DDX60L: variants seen among roughly 807,000 people sequenced by gnomAD.
DDX60L encodes probable ATP-dependent RNA helicase DDX60-like.
A neutral mutation model predicts 211.6 loss-of-function variants in DDX60L; 191 were observed. The observed-to-expected ratio is 0.90, with a 90% CI of 0.80 to 1.02. The LOEUF (loss-of-function observed/expected upper bound fraction) is 1.02. Among genes scored for constraint, DDX60L ranks in the 50% least tolerant of loss-of-function variants. DDX60L has a pLI of 0.00. For synonymous variants in DDX60L, 706 were observed against 694.1 expected (o/e 1.02, Z -0.27); for missense variants, 2,007 against 1,984.1 (o/e 1.01, Z -0.22).
At chr4:168,414,530 C>G (rs536592027) in intron 22 of DDX60L, among the ~76,000 whole-genome samples, 39 of 152,188 alleles carry the variant, frequency 2.6e-4, no homozygotes, top group African/African-American at 9.4e-4. Context: ...AAAAGGAAAT[C>G]AGTATATCAA....
chr4:168,384,344 G>A (rs1743481231), intron 30 of DDX60L, among the ~76,000 whole-genome samples: 1 of 152,000 alleles, frequency 6.6e-6, no homozygotes, highest in African/African-American at 2.4e-5. Context: ...AAAATTAGCT[G>A]GGCATGGTGG....
At chr4:168,476,770 G>A (rs1277625552) in intron 1 of DDX60L, among the ~76,000 whole-genome samples, 2 of 152,162 alleles carry the variant, frequency 1.3e-5, no homozygotes, top group African/African-American at 2.4e-5. Context: ...TCTGGCCAAT[G>A]ACTACATTTT....
intron 9 of DDX60L, among the ~76,000 whole-genome samples, chr4:168,446,011 T>A (rs1288789229): frequency 6.8e-6 from 1 of 147,136 alleles, no homozygotes; most frequent in Non-Finnish European, 1.5e-5. Context: ...TTCAACATAG[T>A]GTTGGAAGTT....
Position 168,432,586 on chromosome 4 carries a change from C to T in DDX60L, c.1401-16G>A. ...CGGATCATCACTGTAAAAATAAATACATAATTTTTTTAAATTTTAAGCTTT... is the reference window on the plus strand; with the variant it reads ...CGGATCATCACTGTAAAAATAAATATATAATTTTTTTAAATTTTAAGCTTT... On this transcript the variant is annotated splice_polypyrimidine_tract_variant and intron_variant, in intron 11 of 37. Transcript: ENST00000682922. The T allele has an allele frequency of 3.5e-6, 5 of 1,441,562 alleles. No individual in the cohort carries two copies. Among genetic ancestry groups the T allele is most frequent in the South Asian group, 1.4e-5 (1 of 70,418 alleles). 89.3% of individuals were successfully genotyped at this position (1,441,562 alleles called of 1,614,324 possible).
intron 9 of DDX60L, among the ~76,000 whole-genome samples, chr4:168,441,815 C>T (rs1343386481): frequency 6.6e-6 from 1 of 152,006 alleles, no homozygotes; most frequent in African/African-American, 2.4e-5. Context: ...AGATGCCCTC[C>T]CTGCCCAAAA....
At chr4:168,440,446 C>T (rs528872173) in intron 10 of DDX60L, among the ~76,000 whole-genome samples, 2 of 151,732 alleles carry the variant, frequency 1.3e-5, no homozygotes, top group African/African-American at 4.9e-5. Context: ...CCTTCAATCA[C>T]TTCTCATTAC....
chr4:168,430,445 A>G, intron 13 of DDX60L, 33 bp downstream of exon 13: 2 of 1,538,212 alleles, frequency 1.3e-6, no homozygotes, highest in Non-Finnish European at 1.7e-6. Flanking sequence ...ACAACATCAA[A>G]GAAAAAAATT....
At chr4:168,460,993 T>C (rs1219663986) in intron 5 of DDX60L, among the ~76,000 whole-genome samples, 1 of 152,196 alleles carries the variant, frequency 6.6e-6, no homozygotes, top group East Asian at 1.9e-4. Flanking sequence ...GAGGGGCAGA[T>C]GGCCCCAGTA....
intron 9 of DDX60L, among the ~76,000 whole-genome samples, chr4:168,442,104 A>C (rs1183269295): frequency 6.6e-6 from 1 of 152,214 alleles, no homozygotes; most frequent in East Asian, 1.9e-4. Flanking sequence ...GGTTCATCTC[A>C]CTAGGGAGTG....
At chr4:168,458,057 C>A (rs1238076400) in intron 5 of DDX60L, 49 bp from the exon 6 acceptor site, 1 of 1,169,056 alleles carries the variant, frequency 8.6e-7, no homozygotes, top group Non-Finnish European at 1.2e-6. Flanking sequence ...AAGTATTTCC[C>A]AGCTGTAAAA....
chr4:168,467,751 T>C (rs1428595838), intron 4 of DDX60L, among the ~76,000 whole-genome samples: 2 of 152,224 alleles, frequency 1.3e-5, no homozygotes, highest in East Asian at 1.9e-4. Context: ...ATCAAATTCG[T>C]CTGAGGAAAT....
At chr4:168,433,481 A>C (rs1037139767) in intron 10 of DDX60L, among the ~76,000 whole-genome samples, 1 of 152,164 alleles carries the variant, frequency 6.6e-6, no homozygotes, top group Non-Finnish European at 1.5e-5. Flanking sequence ...GTTCACCTAC[A>C]TAAAAGCCTC....
intron 12 of DDX60L, among the ~76,000 whole-genome samples, chr4:168,430,932 T>C (rs970359682): frequency 6.6e-5 from 10 of 152,190 alleles, no homozygotes; most frequent in African/African-American, 2.4e-4. Flanking sequence ...AACAGGGGTC[T>C]ACAAACTAGG....
intron 29 of DDX60L, chr4:168,390,181 A>C (rs1230363713): frequency 1.0e-6 from 1 of 1,001,662 alleles, no homozygotes; most frequent in Non-Finnish European, 1.2e-6. Flanking sequence ...TTCCACTCTC[A>C]TTGTGGTCCA....
In DDX60L at chr4:168,415,817, C is replaced by T; in HGVS notation, c.2727-18G>A. The T allele has an allele frequency of 6.8e-7, 1 of 1,478,076 alleles. No individual in the cohort carries two copies. The highest frequency in any genetic ancestry group is 9.0e-7 in the Non-Finnish European group (1 of 1,113,230). The allele number at this position is 1,478,076 out of a possible 1,614,324, so 91.6% of individuals were successfully genotyped here. On this transcript the variant is annotated intron_variant, in intron 20 of 37. Transcript: ENST00000682922. ...GCAGCCACCTTACAGAATAAACATGCATATAATTTAAATAAAATATAGAAG... is the reference window on the plus strand; with the variant it reads ...GCAGCCACCTTACAGAATAAACATGTATATAATTTAAATAAAATATAGAAG...
chr4:168,406,649 G>A lies in DDX60L; in HGVS notation c.3037C>T (p.Leu1013Phe). The A allele has an allele frequency of 6.2e-7, 1 of 1,607,166 alleles. No individual in the cohort carries two copies. Among genetic ancestry groups the A allele is most frequent in the East Asian group, 2.2e-5 (1 of 44,726 alleles). Reference sequence around the variant, plus strand: ...CAGACTTGAGCCATGGTATCATAAAGCTGGATGCTTTCTTGAGGGGTGAGG... The same window carrying A: ...CAGACTTGAGCCATGGTATCATAAAACTGGATGCTTTCTTGAGGGGTGAGG... The part of the protein sequence containing the change: ...LTLTPQESIQ[L>F]YDTMAQVWET... The change falls in exon 23 of 38, where the codon CTT becomes TTT. Residue 1013 changes from leucine to phenylalanine, a missense_variant. Leu to Phe is a conservative substitution (Grantham distance 22). Coordinates refer to ENST00000682922, the MANE Select transcript of DDX60L (RefSeq NM_001012967.3).
chr4:168,457,261 T>TATATATAC lies in DDX60L; in HGVS notation c.723+630_723+631insGTATATAT, dbSNP rs139881909. The stretch of plus-strand genomic sequence containing the variant: ...ACCAAAAACATATATATAAACTACA[T>TATATATAC]ACACACACACACACACACACACACA... On this transcript the variant is annotated intron_variant, in intron 6 of 37. Coordinates refer to ENST00000682922, the MANE Select transcript of DDX60L (RefSeq NM_001012967.3). Among the ~76,000 whole-genome samples, 353 of 145,308 alleles carry TATATATAC rather than the reference T, an allele frequency of 2.4e-3. 2 individuals are homozygous for TATATATAC. Among genetic ancestry groups the TATATATAC allele is most frequent in the Non-Finnish European group, 4.0e-3 (267 of 66,328 alleles).
intron 10 of DDX60L, among the ~76,000 whole-genome samples, chr4:168,438,529 A>G (rs992439426): frequency 3.3e-5 from 5 of 152,264 alleles, no homozygotes; most frequent in Non-Finnish European, 7.3e-5. Flanking sequence ...AATATTTTAC[A>G]AAGTTTAGTT....
chr4:168,381,023 T>G (rs1742853696), intron 30 of DDX60L, among the ~76,000 whole-genome samples: 1 of 152,186 alleles, frequency 6.6e-6, no homozygotes, highest in African/African-American at 2.4e-5. Flanking sequence ...GAAATAAATT[T>G]CTAAGTAGCA....
Sources: gnomAD v4.1 joint callset for allele counts (sites outside exome capture counted in the v4.1 genomes callset) on GRCh38, gnomAD v4.1.1 for gene constraint, MANE v1.5 for transcripts, NCBI Gene and HGNC (gene_info 2026-07-23, HGNC 2026-07-21) for gene names.